MED13L: variants seen among roughly 807,000 people sequenced by gnomAD.
MED13L encodes the protein mediator complex subunit 13L.
A neutral mutation model predicts 220.9 loss-of-function variants in MED13L; 7 were observed. The observed-to-expected ratio is 0.03, with a 90% CI of 0.02 to 0.06. MED13L has a LOEUF of 0.06. MED13L is among the 10% of genes least tolerant of loss of function. The pLI, the probability that MED13L is intolerant of heterozygous loss-of-function variation, is 1.00. For missense variants in MED13L, 1,965 were observed against 2,760.5 expected (o/e 0.71, Z 6.46); for synonymous variants, 1,011 against 1,015.2 (o/e 1.00, Z 0.08).
At chr12:116,027,092 C>CA (rs34804114) in intron 4 of MED13L, among the ~76,000 whole-genome samples, 94,587 of 152,000 alleles carry the variant, frequency 0.62, 30,684 homozygotes, top group East Asian at 0.86. Flanking sequence ...TTACAATTTG[C>CA]ATGTGGCATA....
chr12:116,258,219 A>G (rs868807972), intron 1 of MED13L, among the ~76,000 whole-genome samples: 2 of 152,232 alleles, frequency 1.3e-5, no homozygotes, highest in African/African-American at 4.8e-5. Flanking sequence ...CAGGCTTTGA[A>G]TCAAGAGATT....
intron 9 of MED13L, among the ~76,000 whole-genome samples, chr12:116,012,586 G>A (rs1051645345): frequency 6.6e-6 from 1 of 152,074 alleles, no homozygotes; most frequent in Non-Finnish European, 1.5e-5. Flanking sequence ...AAAGTTGTGG[G>A]AGCAATATGT....
At chr12:116,224,933 G>A (rs1233412580) in intron 2 of MED13L, among the ~76,000 whole-genome samples, 1 of 152,114 alleles carries the variant, frequency 6.6e-6, no homozygotes, top group African/African-American at 2.4e-5. Context: ...CTGGCCTCAA[G>A]CGATCCTCCC....
chr12:116,008,362 T>C, intron 10 of MED13L, 39 bp downstream of exon 10: 2 of 1,574,878 alleles, frequency 1.3e-6, no homozygotes, highest in Non-Finnish European at 1.7e-6. Context: ...GCCCATGCCC[T>C]TCCGGTGGAC....
chr12:116,191,066 T>C (rs1881245078), intron 2 of MED13L, among the ~76,000 whole-genome samples: 1 of 140,034 alleles, frequency 7.1e-6, no homozygotes, highest in African/African-American at 2.7e-5. Context: ...CACTCCAGCC[T>C]GGGCAAAAGA....
chr12:116,059,463 C>G (rs1333387934), intron 4 of MED13L, among the ~76,000 whole-genome samples: 1 of 149,324 alleles, frequency 6.7e-6, no homozygotes. Context: ...ACCACCTTGG[C>G]AGGAGTGCAG....
intron 4 of MED13L, among the ~76,000 whole-genome samples, chr12:116,055,731 C>A (rs1318960487): frequency 6.6e-6 from 1 of 151,930 alleles, no homozygotes. Flanking sequence ...CCTGTCTCTA[C>A]AAAACTACAA....
At chr12:115,975,360 CAG>C (rs1298583336) in intron 24 of MED13L, 47 bp from the exon 25 acceptor site, 13 of 1,613,004 alleles carry the variant, frequency 8.1e-6, no homozygotes, top group Non-Finnish European at 1.0e-5. Flanking sequence ...CTAGATAAAT[CAG>C]AGTTATTTAT....
chr12:116,085,591 G>A (rs185340948), intron 4 of MED13L, among the ~76,000 whole-genome samples: 52 of 152,090 alleles, frequency 3.4e-4, no homozygotes, highest in African/African-American at 1.1e-3. Context: ...TTTGTGCTGG[G>A]AATTATAGAT....
intron 2 of MED13L, among the ~76,000 whole-genome samples, chr12:116,121,511 G>GA (rs558803407): frequency 7.3e-5 from 11 of 150,486 alleles, no homozygotes; most frequent in Non-Finnish European, 1.3e-4. Flanking sequence ...ACTTGAAGGG[G>GA]AAAAAAAAAT....
intron 4 of MED13L, among the ~76,000 whole-genome samples, chr12:116,050,952 A>G (rs570471208): frequency 6.6e-6 from 1 of 152,254 alleles, no homozygotes; most frequent in Admixed American, 6.5e-5. Context: ...AACAACAAAA[A>G]AAAAAACCCA....
intron 2 of MED13L, among the ~76,000 whole-genome samples, chr12:116,129,354 G>C (rs1875865176): frequency 6.6e-6 from 1 of 152,144 alleles, no homozygotes; most frequent in Admixed American, 6.5e-5. Flanking sequence ...AAATCAGCTA[G>C]ACAACTATTC....
At chr12:116,103,573 C>T (rs969233765) in intron 3 of MED13L, among the ~76,000 whole-genome samples, 7 of 152,222 alleles carry the variant, frequency 4.6e-5, no homozygotes, top group African/African-American at 9.6e-5. Flanking sequence ...AGGCACAAGC[C>T]GCTGCTCCCA....
chr12:116,222,605 C>A (rs776280900), intron 2 of MED13L, among the ~76,000 whole-genome samples: 1 of 152,118 alleles, frequency 6.6e-6, no homozygotes, highest in African/African-American at 2.4e-5. Flanking sequence ...GGAAACATGG[C>A]GGCATTTCAG....
intron 29 of MED13L, among the ~76,000 whole-genome samples, chr12:115,965,234 T>C (rs1275829011): frequency 1.3e-5 from 2 of 152,210 alleles, no homozygotes; most frequent in African/African-American, 2.4e-5. Context: ...ATAGAAATGG[T>C]CTCCATTTTG....
intron 2 of MED13L, among the ~76,000 whole-genome samples, chr12:116,155,250 C>A (rs1035616065): frequency 6.6e-6 from 1 of 152,036 alleles, no homozygotes; most frequent in African/African-American, 2.4e-5. Flanking sequence ...ACAGAGAAAC[C>A]GTCTCTACAA....
At chr12:116,176,663 T>TA (rs1285537089) in intron 2 of MED13L, among the ~76,000 whole-genome samples, 1 of 151,780 alleles carries the variant, frequency 6.6e-6, no homozygotes, top group African/African-American at 2.4e-5. Flanking sequence ...GGAAACATGA[T>TA]AGAGCCTTAA....
intron 4 of MED13L, among the ~76,000 whole-genome samples, chr12:116,072,204 T>C (rs536439278): frequency 6.6e-6 from 1 of 152,296 alleles, no homozygotes; most frequent in African/African-American, 2.4e-5. Flanking sequence ...CTGAACACAA[T>C]TGCTTTTTGA....
At chr12:116,233,557 C>T (rs2138442073) in intron 2 of MED13L, among the ~76,000 whole-genome samples, 1 of 152,314 alleles carries the variant, frequency 6.6e-6, no homozygotes, top group African/African-American at 2.4e-5. Context: ...CCCTAAGCCC[C>T]AGGTAACCTG....
Sources: allele counts gnomAD v4.1 joint callset (sites outside exome capture counted in the v4.1 genomes callset), GRCh38; gene constraint gnomAD v4.1.1; transcripts MANE v1.5; gene names NCBI Gene and HGNC (gene_info 2026-07-23, HGNC 2026-07-21).